Variants in MAGI2 observed in about 807,000 individuals in gnomAD.
MAGI2 encodes membrane associated guanylate kinase, WW and PDZ domain containing 2.
Under a neutral mutation model 133.3 loss-of-function variants are expected in MAGI2, and 35 were observed. The ratio of observed to expected loss-of-function variants is 0.26; its 90% CI spans 0.20 to 0.35. The LOEUF (loss-of-function observed/expected upper bound fraction) is 0.35. Among genes scored for constraint, MAGI2 ranks in the 10% least tolerant of loss-of-function variants. MAGI2 has a pLI of 1.00. For synonymous variants in MAGI2, 729 were observed against 710.6 expected (o/e 1.03, Z -0.41); for missense variants, 1,636 against 1,863.4 (o/e 0.88, Z 2.25).
chr7:78,973,443 T>C (rs927401115), intron 2 of MAGI2, among the ~76,000 whole-genome samples: 5 of 151,838 alleles, frequency 3.3e-5, no homozygotes, highest in Non-Finnish European at 7.4e-5. Flanking sequence ...GATTGATGGA[T>C]AGAATTTCCA....
At chr7:79,062,112 A>G (rs886812865) in intron 1 of MAGI2, among the ~76,000 whole-genome samples, 2 of 152,102 alleles carry the variant, frequency 1.3e-5, no homozygotes, top group Non-Finnish European at 2.9e-5. Flanking sequence ...ATGAAAATAC[A>G]TATCTAGGCC....
At chr7:78,537,487 AC>A (rs2150654649) in intron 3 of MAGI2, among the ~76,000 whole-genome samples, 1 of 152,200 alleles carries the variant, frequency 6.6e-6, no homozygotes, top group Non-Finnish European at 1.5e-5. Context: ...TTCCATTTTC[AC>A]CACATCCATG....
At chr7:78,094,429 G>A (rs1271011586) in intron 20 of MAGI2, among the ~76,000 whole-genome samples, 1 of 152,126 alleles carries the variant, frequency 6.6e-6, no homozygotes, top group Non-Finnish European at 1.5e-5. Flanking sequence ...TGTGGAGGCT[G>A]GCCCCTCCTG....
chr7:78,805,001 G>A (rs1788443792), intron 2 of MAGI2, among the ~76,000 whole-genome samples: 1 of 151,508 alleles, frequency 6.6e-6, no homozygotes, highest in South Asian at 2.1e-4. Context: ...CCAGGAGGTG[G>A]AGGTTGCAGC....
At chr7:79,395,543 T>C (rs1044330665) in intron 1 of MAGI2, among the ~76,000 whole-genome samples, 3 of 152,178 alleles carry the variant, frequency 2.0e-5, no homozygotes, top group African/African-American at 7.2e-5. Flanking sequence ...GAGAGGTCTG[T>C]GGTGGGACTG....
At chr7:78,530,631 T>TC (rs1283637446) in intron 3 of MAGI2, among the ~76,000 whole-genome samples, 3 of 152,120 alleles carry the variant, frequency 2.0e-5, no homozygotes, top group African/African-American at 7.2e-5. Context: ...CCTCTATAAC[T>TC]CCCTCTCACT....
chr7:78,577,621 G>A (rs1802399605), intron 3 of MAGI2, among the ~76,000 whole-genome samples: 2 of 150,254 alleles, frequency 1.3e-5, no homozygotes, highest in Admixed American at 6.7e-5. Context: ...TAGGATTTGG[G>A]TAGGTAAAGG....
At chr7:78,605,909 A>G (rs1001715483) in intron 3 of MAGI2, among the ~76,000 whole-genome samples, 1 of 152,134 alleles carries the variant, frequency 6.6e-6, no homozygotes, top group Non-Finnish European at 1.5e-5. Context: ...CACTAGAGAG[A>G]TTACTCCAGC....
intron 2 of MAGI2, among the ~76,000 whole-genome samples, chr7:78,775,320 TAAAAAAAAAAAAAAAAAAAAAAA>T (rs3086258): frequency 1.0e-4 from 6 of 57,360 alleles, no homozygotes; most frequent in African/African-American, 2.8e-4. Flanking sequence ...CGTCTCAAAT[TAAAAAAAAAAAAAAAAAAAAAAA>T]AAAAAAAAAA....
chr7:78,482,754 A>G (rs7804594), intron 6 of MAGI2, among the ~76,000 whole-genome samples: 60,871 of 151,124 alleles, frequency 0.4, 13,005 homozygotes, highest in East Asian at 0.68. Flanking sequence ...ATTGGTCAGG[A>G]AGAGGAGATA....
intron 1 of MAGI2, among the ~76,000 whole-genome samples, chr7:79,219,146 T>A (rs1830249102): frequency 6.6e-6 from 1 of 152,062 alleles, no homozygotes; most frequent in South Asian, 2.1e-4. Context: ...GAACACTGAC[T>A]GGTATACTAT....
intron 9 of MAGI2, among the ~76,000 whole-genome samples, chr7:78,260,567 T>C (rs187098692): frequency 2.3e-3 from 356 of 152,306 alleles, no homozygotes; most frequent in Non-Finnish European, 4.1e-3. Flanking sequence ...TTTTTCTCCA[T>C]AAAAATAAGA....
intron 6 of MAGI2, among the ~76,000 whole-genome samples, chr7:78,402,764 C>G (rs1412743878): frequency 6.6e-6 from 1 of 152,092 alleles, no homozygotes; most frequent in African/African-American, 2.4e-5. Flanking sequence ...ATATTATTAA[C>G]TTCATGTATT....
At chr7:79,170,882 T>C (rs1825473524) in intron 1 of MAGI2, among the ~76,000 whole-genome samples, 1 of 152,144 alleles carries the variant, frequency 6.6e-6, no homozygotes, top group South Asian at 2.1e-4. Context: ...ATAGAGTGCA[T>C]TCATTCCATT....
intron 1 of MAGI2, among the ~76,000 whole-genome samples, chr7:79,150,135 A>G (rs1481476966): frequency 6.6e-6 from 1 of 152,266 alleles, no homozygotes; most frequent in African/African-American, 2.4e-5. Context: ...CCAGACCACA[A>G]TCACGGTGGG....
intron 2 of MAGI2, among the ~76,000 whole-genome samples, chr7:78,972,261 T>G (rs2116002653): frequency 6.6e-6 from 1 of 152,060 alleles, no homozygotes; most frequent in East Asian, 1.9e-4. Context: ...CTCTAAATAT[T>G]TTTAAAAAGG....
chr7:78,589,349 C>T lies in MAGI2; in HGVS notation c.538+37771G>A, dbSNP rs144666511. On this transcript the variant is annotated intron_variant, in intron 3 of 21. Transcript: ENST00000354212. ...CAATATCTTGCAGATAAACTGAACA[C>T]AGAGAAGCTAAACAGCTTGTCCAGA... 6.9e-3 allele frequency among the ~76,000 whole-genome samples: 1,052 copies of T among 152,262 alleles called. 43 individuals are homozygous for T. Among genetic ancestry groups the T allele is most frequent in the Admixed American group, 0.063 (963 of 15,298 alleles).
chr7:79,453,295 C>T lies in MAGI2; in HGVS notation c.26G>A (p.Ser9Asn), dbSNP rs1849423152. 2.5e-6 allele frequency: 4 copies of T among 1,611,804 alleles called. No individual in the cohort carries two copies. The highest frequency in any genetic ancestry group is 1.7e-4 in the Middle Eastern group (1 of 6,034). Residue 9 changes from serine to asparagine, a missense_variant, in exon 1 of 22, where the codon AGC (serine) becomes AAC (asparagine). Physicochemically the swap from Ser to Asn is conservative, Grantham distance 46. Around this residue, in one of 5 missense-constraint regions of MAGI2, gnomAD observed 148 missense variants for 239.0 expected, o/e 0.62. Coordinates refer to ENST00000354212, the MANE Select transcript of MAGI2 (RefSeq NM_012301.4). ...CTCATGGACTTTGCTAGTCCAGTGG[C>T]TTTTCTTTTTCAAGCTTTTGGACAT... MSKSLKKK[S>N]HWTSKVHESV...
intron 3 of MAGI2, among the ~76,000 whole-genome samples, chr7:78,564,783 C>CTTTTTTTTGTTTTTTTTTTTTTT (rs1800761666): frequency 1.6e-5 from 1 of 64,318 alleles, no homozygotes; most frequent in Non-Finnish European, 2.8e-5. Context: ...CTTTGACATT[C>CTTTTTTTTGTTTTTTTTTTTTTT]TTTTTTTTTT....
Sources: gnomAD v4.1 joint callset for allele counts (sites outside exome capture counted in the v4.1 genomes callset) on GRCh38, gnomAD v4.1.1 for gene constraint, gnomAD v4.1.1 regional missense constraint, MANE v1.5 for transcripts, NCBI Gene and HGNC (gene_info 2026-07-23, HGNC 2026-07-21) for gene names.